The following STIM1 variants were observed in gnomAD, a reference collection of about 807,000 sequenced individuals.
STIM1 encodes stromal interaction molecule 1.
Under a neutral mutation model 74.7 loss-of-function variants are expected in STIM1, and 25 were observed. The ratio of observed to expected loss-of-function variants is 0.33; its 90% CI spans 0.24 to 0.47. STIM1 has a LOEUF of 0.47. Ranked by LOEUF, STIM1 falls within the 20% of genes least tolerant of loss-of-function variation. The pLI is 1.00. For synonymous variants in STIM1, 328 were observed against 348.8 expected, an observed-to-expected ratio of 0.94 and a Z score of 0.66; for missense variants, 728 against 920.8, an observed-to-expected ratio of 0.79 and a Z score of 2.71.
intron 1 of STIM1, among the ~76,000 whole-genome samples, chr11:3,881,922 T>G (rs1389398881): frequency 6.6e-6 from 1 of 151,730 alleles, no homozygotes; most frequent in Non-Finnish European, 1.5e-5. Context: ...TCCACCTGCC[T>G]TAGCCTCCCA....
At chr11:3,912,510 A>T (rs1376432601) in intron 1 of STIM1, among the ~76,000 whole-genome samples, 1 of 151,370 alleles carries the variant, frequency 6.6e-6, no homozygotes, top group Non-Finnish European at 1.5e-5. Context: ...GATTACAGGT[A>T]CCCACCATGA....
At chr11:3,955,642 T>C (rs1405500755) in intron 1 of STIM1, among the ~76,000 whole-genome samples, 1 of 152,070 alleles carries the variant, frequency 6.6e-6, no homozygotes, top group African/African-American at 2.4e-5. Context: ...TATTTACTTA[T>C]GTACTTTACT....
intron 2 of STIM1, among the ~76,000 whole-genome samples, chr11:4,019,511 A>C (rs1396770519): frequency 6.6e-6 from 1 of 151,894 alleles, no homozygotes; most frequent in African/African-American, 2.4e-5. Context: ...CCGTGTGTAC[A>C]AAAAATTTAA....
intron 3 of STIM1, among the ~76,000 whole-genome samples, chr11:4,052,641 G>A (rs1356389615): frequency 6.6e-6 from 1 of 152,144 alleles, no homozygotes; most frequent in Admixed American, 6.5e-5. Context: ...AACCCTAGAA[G>A]AAAACCTAGG....
At chr11:4,077,715 T>A (rs1590693931) in intron 7 of STIM1, among the ~76,000 whole-genome samples, 1 of 152,188 alleles carries the variant, frequency 6.6e-6, no homozygotes, top group Non-Finnish European at 1.5e-5. Context: ...CTGTTCTTTT[T>A]TCTCTCTGTG....
At chr11:3,886,306 A>G (rs2091701401) in intron 1 of STIM1, among the ~76,000 whole-genome samples, 1 of 152,218 alleles carries the variant, frequency 6.6e-6, no homozygotes, top group South Asian at 2.1e-4. Flanking sequence ...TGAGCAATTA[A>G]AAACTTGAGG....
intron 1 of STIM1, among the ~76,000 whole-genome samples, chr11:3,957,339 C>T (rs1490281517): frequency 1.3e-5 from 2 of 151,692 alleles, no homozygotes; most frequent in East Asian, 3.9e-4. Context: ...TCACTGCAGC[C>T]TCTGCCTCCT....
intron 2 of STIM1, among the ~76,000 whole-genome samples, chr11:3,991,010 T>C (rs1168566876): frequency 6.6e-6 from 1 of 152,146 alleles, no homozygotes; most frequent in Non-Finnish European, 1.5e-5. Flanking sequence ...ATCTTTGTGT[T>C]TGTGTGTACC....
At chr11:3,861,851 T>TTG (rs759888450) in intron 1 of STIM1, among the ~76,000 whole-genome samples, 31 of 152,270 alleles carry the variant, frequency 2.0e-4, no homozygotes, top group South Asian at 1.0e-3. Context: ...TGATGAGATC[T>TTG]TGTGGAGGGG....
At chr11:4,004,553 A>T (rs1200191618) in intron 2 of STIM1, among the ~76,000 whole-genome samples, 2 of 151,442 alleles carry the variant, frequency 1.3e-5, no homozygotes, top group Non-Finnish European at 2.9e-5. Flanking sequence ...CTGAAACTGG[A>T]TCCCTTCCTT....
intron 1 of STIM1, among the ~76,000 whole-genome samples, chr11:3,934,355 G>A (rs1186178404): frequency 6.6e-6 from 1 of 152,120 alleles, no homozygotes; most frequent in Non-Finnish European, 1.5e-5. Flanking sequence ...AGGCTGACAG[G>A]CTTTTTCATA....
In STIM1 at chr11:3,993,635, G is replaced by A. The variant is rs142548490; in HGVS notation, c.270+25953G>A. Among the ~76,000 whole-genome samples the A allele has an allele frequency of 2.7e-3, 413 of 152,210 alleles. 3 individuals carry two copies. The highest frequency in any genetic ancestry group is 9.5e-3 in the African/African-American group (394 of 41,548). On this transcript the variant is annotated intron_variant, in intron 2 of 12. Coordinates refer to ENST00000526596, the MANE Select transcript of STIM1 (RefSeq NM_001382567.1). ...TGTGCCACTGCACTCCAGCCTGGGC[G>A]ACAGAGGGAGACTCTGTCTCAAAAA...
chr11:3,863,516 C>T (rs2090724453), intron 1 of STIM1, among the ~76,000 whole-genome samples: 1 of 152,118 alleles, frequency 6.6e-6, no homozygotes, highest in African/African-American at 2.4e-5. Context: ...GCTTGGCTTC[C>T]CAAAGTGCTG....
rs1474562599 is a variant in STIM1 at position 3,861,861 on chromosome 11, G to T, written c.139+5452G>T. ...GGAAGTGATGAGATCTTGTGGAGGG[G>T]AGTAGTTTCCTAGGTCTCTACAGGA... is the stretch of plus-strand genomic sequence containing the variant. On this transcript the variant is annotated intron_variant, in intron 1 of 12. Transcript: ENST00000526596. Among the ~76,000 whole-genome samples the T allele has an allele frequency of 2.0e-5, 3 of 152,142 alleles. No homozygotes were observed. The East Asian group carries it at 5.8e-4, about 29-fold the overall frequency.
At chr11:3,880,492 T>G (rs1027215075) in intron 1 of STIM1, among the ~76,000 whole-genome samples, 1 of 152,218 alleles carries the variant, frequency 6.6e-6, no homozygotes, top group African/African-American at 2.4e-5. Context: ...TGTCAAACTT[T>G]GGGAGTAAAA....
At chr11:4,013,974 T>G (rs532080002) in intron 2 of STIM1, among the ~76,000 whole-genome samples, 3 of 152,210 alleles carry the variant, frequency 2.0e-5, no homozygotes, top group African/African-American at 7.2e-5. Flanking sequence ...CCCAAAGTGC[T>G]GGGATTACAG....
chr11:3,997,486 C>G (rs1012918529), intron 2 of STIM1, among the ~76,000 whole-genome samples: 3 of 151,676 alleles, frequency 2.0e-5, no homozygotes, highest in Non-Finnish European at 2.9e-5. Flanking sequence ...GAAACCCTGT[C>G]TCTAAAAAAA....
intron 3 of STIM1, 99 bp downstream of exon 3, chr11:4,024,086 G>A: frequency 1.1e-6 from 1 of 897,032 alleles, no homozygotes; most frequent in South Asian, 1.4e-5. Flanking sequence ...AAAATGCTTA[G>A]TAAAGGGCAA....
intron 6 of STIM1, among the ~76,000 whole-genome samples, chr11:4,070,926 A>AT (rs2094399538): frequency 6.6e-6 from 1 of 152,226 alleles, no homozygotes; most frequent in African/African-American, 2.4e-5. Flanking sequence ...GAGAAAAAAA[A>AT]CTTACACACC....
Sources: gnomAD v4.1 joint callset for allele counts (sites outside exome capture counted in the v4.1 genomes callset) on GRCh38, gnomAD v4.1.1 for gene constraint, MANE v1.5 for transcripts, NCBI Gene and HGNC (gene_info 2026-07-23, HGNC 2026-07-21) for gene names.